CACNA1G: variants seen among roughly 807,000 people sequenced by gnomAD.
CACNA1G encodes calcium voltage-gated channel subunit alpha1 G.
CACNA1G carries 67 observed loss-of-function variants against 219.4 expected under a neutral mutation model. That is an observed-to-expected ratio of 0.31 (90% CI 0.25 to 0.37). The LOEUF is 0.37. CACNA1G is among the 10% of genes least tolerant of loss of function. The probability of loss-of-function intolerance (pLI) is 1.00; values close to 1 mark genes in which losing one functional copy is unlikely to be tolerated. For missense variants in CACNA1G, 2,380 were observed against 3,231.4 expected, an observed-to-expected ratio of 0.74 and a Z score of 6.39; for synonymous variants, 1,296 against 1,345.3, an observed-to-expected ratio of 0.96 and a Z score of 0.80.
intron 1 of CACNA1G, among the ~76,000 whole-genome samples, chr17:50,562,741 C>T (rs1176495936): frequency 1.3e-5 from 2 of 152,120 alleles, no homozygotes; most frequent in East Asian, 1.9e-4. Context: ...GACTCGGGTC[C>T]ACCACCCCAG....
In CACNA1G at chr17:50,596,231, GC is replaced by G. The variant is rs1384128985; in HGVS notation, c.2980-326del. On this transcript the variant is annotated intron_variant, in intron 14 of 37. Coordinates refer to ENST00000359106, the MANE Select transcript of CACNA1G (RefSeq NM_018896.5). The surrounding 1 kb of genome is among the most constrained non-coding windows in gnomAD (Gnocchi z 4.8). ...CTTCACTCAGGTCCCCAGGTCCCCAGCCCCCTCTGGCCTGTGCCACCTGCCA... is the reference window on the plus strand; with the variant it reads ...CTTCACTCAGGTCCCCAGGTCCCCAGCCCCTCTGGCCTGTGCCACCTGCCA... 6.6e-6 allele frequency among the ~76,000 whole-genome samples: 1 copy of G among 152,190 alleles called. No homozygotes were observed. Among genetic ancestry groups the G allele is most frequent in the African/African-American group, 2.4e-5 (1 of 41,456 alleles).
At chr17:50,574,070 G>A (rs1203519059) in intron 7 of CACNA1G, among the ~76,000 whole-genome samples, 3 of 152,138 alleles carry the variant, frequency 2.0e-5, no homozygotes, top group South Asian at 4.1e-4. Context: ...TTTAATCCTC[G>A]TCGTCCCCTG....
intron 33 of CACNA1G, among the ~76,000 whole-genome samples, 169 bp from the exon 34 acceptor site, chr17:50,619,514 G>A (rs779190299): frequency 2.4e-4 from 29 of 118,650 alleles, no homozygotes; most frequent in Non-Finnish European, 3.8e-4. Context: ...TTTTCTCTTT[G>A]TTGCTGTGTG....
In CACNA1G at chr17:50,596,600, C is replaced by T. The variant is rs1242759447; in HGVS notation, c.3018C>T (p.Phe1006=). ...ANKSESEPDF[F]SPSLDGDGDR... ...AGTCCGAATCAGAGCCCGATTTCTTCTCACCCAGCCTGGATGGTGATGGGG... is the reference window on the plus strand; with the variant it reads ...AGTCCGAATCAGAGCCCGATTTCTTTTCACCCAGCCTGGATGGTGATGGGG... Residue 1006 remains phenylalanine (F), a synonymous_variant, in exon 15 of 38, where the codon TTC becomes TTT. Transcript: ENST00000359106. The surrounding 1 kb of genome is among the most constrained non-coding windows in gnomAD (Gnocchi z 4.8). The T allele has an allele frequency of 6.2e-7, 1 of 1,613,986 alleles. No homozygotes were observed. Among genetic ancestry groups the T allele is most frequent in the South Asian group, 1.1e-5 (1 of 91,084 alleles).
chr17:50,617,495 G>A lies in CACNA1G; in HGVS notation c.5079G>A (p.Glu1693=). The change falls in exon 29 of 38, where the codon GAG becomes GAA. Residue 1693 remains glutamate (E), a synonymous_variant. Transcript: ENST00000359106. The surrounding 1 kb of genome is among the most constrained non-coding windows in gnomAD (Gnocchi z 5.8). ...TGTCCATCATGGGCATCACGCTGGA[G>A]GAAATCGAGGTCAACGCCTCGCTGC... ...VLLSIMGITL[E]EIEVNASLPI... The A allele has an allele frequency of 6.2e-7, 1 of 1,614,002 alleles. No homozygotes were observed. Among genetic ancestry groups the A allele is most frequent in the Non-Finnish European group, 8.5e-7 (1 of 1,179,882 alleles).
intron 14 of CACNA1G, among the ~76,000 whole-genome samples, chr17:50,595,786 C>G (rs1363380066): frequency 6.6e-6 from 1 of 152,218 alleles, no homozygotes; most frequent in South Asian, 2.1e-4. Context: ...CCTGGAGATC[C>G]CACTTGATAA....
intron 26 of CACNA1G, among the ~76,000 whole-genome samples, chr17:50,613,029 G>A (rs963809130): frequency 5.3e-5 from 8 of 152,202 alleles, no homozygotes; most frequent in Admixed American, 2.6e-4. Context: ...GGGTGGCATC[G>A]CCAGGCCCCA....
chr17:50,562,354 A>G (rs1048636407), intron 1 of CACNA1G, among the ~76,000 whole-genome samples: 5 of 152,096 alleles, frequency 3.3e-5, no homozygotes, highest in African/African-American at 1.2e-4. Context: ...TGGAGGCACA[A>G]CAAGGAGATT....
chr17:50,610,213 T>C lies in CACNA1G; in HGVS notation c.4759+278T>C, dbSNP rs2048922651. Among the ~76,000 whole-genome samples, 4 of 152,222 alleles carry C rather than the reference T, an allele frequency of 2.6e-5. No individual in the cohort carries two copies. In the South Asian group the frequency reaches 8.3e-4, roughly 32 times the overall value. ...GCCAAGCTCCCCACCTCCTGCCACC[T>C]CTTCCCTCCTGTGCCTCCTCCTTGT... On this transcript the variant is annotated intron_variant, in intron 26 of 37. Transcript: ENST00000359106.
chr17:50,625,204 G>A (rs1047182135), intron 37 of CACNA1G, among the ~76,000 whole-genome samples: 1 of 152,146 alleles, frequency 6.6e-6, no homozygotes, highest in African/African-American at 2.4e-5. Flanking sequence ...TGGCCGCCTC[G>A]GCCACCCAAA....
At position 50,619,894 on chromosome 17, in the gene CACNA1G, T is replaced by A. The variant is rs1293191799; in HGVS notation, c.5925+68T>A. 10 of 1,459,422 alleles carry A rather than the reference T, an allele frequency of 6.9e-6. No individual in the cohort carries two copies. The East Asian group carries it at 2.4e-4, about 35-fold the overall frequency. The allele number at this position is 1,459,422 out of a possible 1,614,324, so 90.4% of individuals were successfully genotyped here. On this transcript the variant is annotated intron_variant, in intron 34 of 37. Transcript: ENST00000359106. ...GGGCTGTGCCACGCTGTGCCATGCT[T>A]CTGGGGAAGCTGGGAGTGTTCCTGC...
chr17:50,610,115 A>T (rs2048895245), intron 26 of CACNA1G, among the ~76,000 whole-genome samples, 180 bp downstream of exon 26: 1 of 152,184 alleles, frequency 6.6e-6, no homozygotes, highest in African/African-American at 2.4e-5. Flanking sequence ...ACTGGACGGG[A>T]GGCGAGGGCC....
chr17:50,617,706 G>A lies in CACNA1G; in HGVS notation c.5155+135G>A. The A allele has an allele frequency of 7.0e-7, 1 of 1,433,334 alleles. No homozygotes were observed. The highest frequency in any genetic ancestry group is 1.3e-5 in the South Asian group (1 of 77,772). 88.8% of individuals were successfully genotyped at this position (1,433,334 alleles called of 1,614,324 possible). A position where few individuals can be genotyped will look rare whatever the true frequency, so the allele number is the denominator to read the frequency against. ...GGTCTTTCTCCCAGCTTCTGCCAAG[G>A]GAGGCTGGAGACAGGGCTGAGGATG... On this transcript the variant is annotated intron_variant, in intron 29 of 37. Transcript: ENST00000359106. This position sits in a 1 kb window ranked among gnomAD's most constrained non-coding sequence, Gnocchi z 5.8.
Position 50,624,447 on chromosome 17 carries a change from A to T in CACNA1G, c.6317A>T (p.His2106Leu). ...GATGCACCTCATCTGCTCCAGCCCC[A>T]CAGCGCCCCAACCTGGGGCACCATC... The part of the protein sequence containing the change: ...PKDAPHLLQP[H>L]SAPTWGTIPK... Residue 2106 changes from histidine (H) to leucine (L), a missense_variant, in exon 37 of 38, where the codon CAC becomes CTC. Transcript: ENST00000359106. 6.3e-7 allele frequency: 1 copy of T among 1,594,798 alleles called. No individual in the cohort carries two copies. The highest frequency in any genetic ancestry group is 1.7e-5 in the Admixed American group (1 of 57,902).
At position 50,561,598 on chromosome 17, in the gene CACNA1G, G is replaced by A. The variant is rs1394337184; in HGVS notation, c.139G>A (p.Glu47Lys). ...AEKDPGSADS[E>K]AEGLPYPALA... is the part of the protein sequence containing the mutation. ...AAAGGACCCGGGCAGCGCGGACTCC[G>A]AGGCGGAGGGGCTGCCGTACCCGGC... Residue 47 changes from glutamate (E) to lysine (K), a missense_variant, in exon 1 of 38, where the codon GAG becomes AAG. By Grantham distance (56) the Glu-to-Lys change is moderately conservative (BLOSUM62 1). Around this residue, in one of 17 missense-constraint regions of CACNA1G, gnomAD observed 98 missense variants for 85.5 expected, o/e 1.15. Coordinates refer to ENST00000359106, the MANE Select transcript of CACNA1G (RefSeq NM_018896.5). 6.3e-7 allele frequency: 1 copy of A among 1,579,406 alleles called. No individual in the cohort carries two copies. Among genetic ancestry groups the A allele is most frequent in the Non-Finnish European group, 8.6e-7 (1 of 1,164,860 alleles).
Position 50,573,012 on chromosome 17 carries a change from AC to A in CACNA1G, c.1048-4del, listed in dbSNP as rs2039799310. On this transcript the variant is annotated splice_region_variant and splice_polypyrimidine_tract_variant and intron_variant, in intron 6 of 37. Transcript: ENST00000359106. ...GCCCATAGTCAGCCTGCCCCTCTGCACCCCCTAGGTCATCACGCTGGAGGGC... is the reference window on the plus strand; with the variant it reads ...GCCCATAGTCAGCCTGCCCCTCTGCACCCCTAGGTCATCACGCTGGAGGGC... 1.9e-6 allele frequency: 3 copies of A among 1,575,138 alleles called. No individual in the cohort carries two copies. Among genetic ancestry groups the A allele is most frequent in the African/African-American group, 1.4e-5 (1 of 73,962 alleles).
chr17:50,614,634 G>A (rs990694804), intron 26 of CACNA1G, among the ~76,000 whole-genome samples: 2 of 152,230 alleles, frequency 1.3e-5, no homozygotes, highest in African/African-American at 4.8e-5. Flanking sequence ...TTCCAGCCCA[G>A]CCTGCAGTCT....
chr17:50,624,341 C>CCCCG lies in CACNA1G; in HGVS notation c.6230-19_6230-18insCCCG. On this transcript the variant is annotated intron_variant, in intron 36 of 37. Coordinates refer to ENST00000359106, the MANE Select transcript of CACNA1G (RefSeq NM_018896.5). Reference sequence around the variant, plus strand: ...CCATTCTCTCCCCCCACCCCTCCCCCGCTTCCCTCCCTCCACAGGCTCCGT... The same window carrying CCCCG: ...CCATTCTCTCCCCCCACCCCTCCCCCCCCGGCTTCCCTCCCTCCACAGGCTCCGT... The CCCCG allele has an allele frequency of 2.6e-5, 38 of 1,471,034 alleles. No homozygotes were observed. Among genetic ancestry groups the CCCCG allele is most frequent in the Non-Finnish European group, 3.2e-5 (34 of 1,076,378 alleles). The allele number at this position is 1,471,034 out of a possible 1,614,324, so 91.1% of individuals were successfully genotyped here. A position where few individuals can be genotyped will look rare whatever the true frequency, so the allele number is the denominator to read the frequency against.
chr17:50,569,325 G>A lies in CACNA1G; in HGVS notation c.488+27G>A, dbSNP rs2038813967. On this transcript the variant is annotated intron_variant, in intron 3 of 37. Coordinates refer to ENST00000359106, the MANE Select transcript of CACNA1G (RefSeq NM_018896.5). ...TGAGGACCTGGGCTGGGGTGGGAGA[G>A]CAATGGATCAGATCGGTCCCTTCCC... The A allele has an allele frequency of 3.1e-6, 5 of 1,612,420 alleles. 1 individual carries two copies. The highest frequency in any genetic ancestry group is 1.3e-5 in the African/African-American group (1 of 74,964).
Sources: allele counts gnomAD v4.1 joint callset (sites outside exome capture counted in the v4.1 genomes callset), GRCh38; gene constraint gnomAD v4.1.1; regional missense constraint gnomAD v4.1.1; non-coding constraint Gnocchi (gnomAD v3.1); transcripts MANE v1.5; gene names NCBI Gene and HGNC (gene_info 2026-07-23, HGNC 2026-07-21).